SLC7A11: variants seen among roughly 807,000 people sequenced by gnomAD.
SLC7A11 encodes the protein cystine/glutamate transporter.
In SLC7A11, 35 loss-of-function variants were observed where a neutral mutation model predicts 54.5. The observed-to-expected ratio is 0.64, with a 90% CI of 0.49 to 0.85. The LOEUF (loss-of-function observed/expected upper bound fraction) is 0.85, where lower values mean the gene tolerates loss of function less well. Ranked by LOEUF, SLC7A11 falls within the 40% of genes least tolerant of loss-of-function variation. The pLI is 0.00. For synonymous variants in SLC7A11, 230 were observed against 225.2 expected, an observed-to-expected ratio of 1.02 and a Z score of -0.19; for missense variants, 583 against 618.1, an observed-to-expected ratio of 0.94 and a Z score of 0.60.
Position 138,165,725 on chromosome 4 carries a change from T to G in SLC7A11, c.*6231A>C, listed in dbSNP as rs1363745005. 1 of 152,168 alleles carries G rather than the reference T, an allele frequency of 6.6e-6. No homozygotes were observed. The highest frequency in any genetic ancestry group is 1.5e-5 in the Non-Finnish European group (1 of 68,012). The allele number at this position is 152,168 out of a possible 1,614,324, so 9.4% of individuals were successfully genotyped here. On this transcript the variant is annotated 3_prime_UTR_variant, in exon 12 of 12. Coordinates refer to ENST00000280612, the MANE Select transcript of SLC7A11 (RefSeq NM_014331.4). ...TAGGAATTGTCCTAAAAGAGTAAAG[T>G]GTTGTTTCCTTTCTGAACATGAATA...
At chr4:138,223,372 A>G in intron 3 of SLC7A11, 48 bp from the exon 4 acceptor site, 1 of 1,603,628 alleles carries the variant, frequency 6.2e-7, no homozygotes, top group Non-Finnish European at 8.5e-7. Flanking sequence ...TCACTGGCAC[A>G]AAGACATTTT....
intron 6 of SLC7A11, among the ~76,000 whole-genome samples, chr4:138,189,917 T>A (rs569838679): frequency 5.9e-5 from 9 of 152,278 alleles, no homozygotes; most frequent in Middle Eastern, 3.4e-3. Context: ...TCAGCCCACA[T>A]GAGTGGTCTG....
chr4:138,219,453 A>C, intron 4 of SLC7A11, 88 bp from the exon 5 acceptor site: 1 of 740,906 alleles, frequency 1.3e-6, no homozygotes, highest in Non-Finnish European at 2.4e-6. Flanking sequence ...GCGGAGAAAC[A>C]TACTGTTGTA....
Position 138,242,165 on chromosome 4 carries a change from GCTTTCAGA to G in SLC7A11, c.-104_-97del, listed in dbSNP as rs1738399306. 7.4e-7 allele frequency: 1 copy of G among 1,356,490 alleles called. No individual in the cohort carries two copies. Among genetic ancestry groups the G allele is most frequent in the Admixed American group, 2.1e-5 (1 of 46,876 alleles). The allele number at this position is 1,356,490 out of a possible 1,614,324, so 84.0% of individuals were successfully genotyped here. A position where few individuals can be genotyped will look rare whatever the true frequency, so the allele number is the denominator to read the frequency against. On this transcript the variant is annotated 5_prime_UTR_variant, in exon 1 of 12. Coordinates refer to ENST00000280612, the MANE Select transcript of SLC7A11 (RefSeq NM_014331.4). ...GTGTTACTGATCGATGTCTTCCTCT[GCTTTCAGA>G]CTGTCTCTCTCAGCGCTATAGTGTT...
Position 138,169,243 on chromosome 4 carries a change from T to C in SLC7A11, c.*2713A>G, listed in dbSNP as rs1268853662. The C allele has an allele frequency of 6.6e-6, 1 of 151,990 alleles. No individual in the cohort carries two copies. Among genetic ancestry groups the C allele is most frequent in the African/African-American group, 2.4e-5 (1 of 41,434 alleles). 9.4% of individuals were successfully genotyped at this position (151,990 alleles called of 1,614,324 possible). ...AATTTTACTTATATAAAAACATATA[T>C]ATAAATAAGTGTTCAGGAGAGTTTT... On this transcript the variant is annotated 3_prime_UTR_variant, in exon 12 of 12. Transcript: ENST00000280612.
chr4:138,192,369 C>T (rs1031420562), intron 6 of SLC7A11, among the ~76,000 whole-genome samples: 2 of 152,120 alleles, frequency 1.3e-5, no homozygotes, highest in Non-Finnish European at 2.9e-5. Flanking sequence ...TGCAAAGGAC[C>T]TATAGCATGA....
chr4:138,220,794 G>A (rs974181866), intron 4 of SLC7A11, among the ~76,000 whole-genome samples: 1 of 152,176 alleles, frequency 6.6e-6, no homozygotes, highest in South Asian at 2.1e-4. Context: ...TGATGTGTAT[G>A]AGACACTCTC....
At chr4:138,188,637 C>T (rs1736935867) in intron 6 of SLC7A11, among the ~76,000 whole-genome samples, 1 of 152,170 alleles carries the variant, frequency 6.6e-6, no homozygotes, top group South Asian at 2.1e-4. Flanking sequence ...CCTGAGCAAT[C>T]TTTCTGGAGG....
At position 138,223,240 on chromosome 4, in the gene SLC7A11, A is replaced by C; in HGVS notation, c.605T>G (p.Ile202Ser). ...AACTCCAGGGACTATAATTATCAGA[A>C]TTGCTGTGAGCTTGCAAAAGGTTAA... is the stretch of plus-strand genomic sequence containing the variant. ...IFLTFCKLTA[I>S]LIIIVPGVMQ... The change falls in exon 4 of 12, where the codon ATT (isoleucine) becomes AGT (serine). Residue 202 changes from isoleucine to serine, a missense_variant. By Grantham distance (142) the Ile-to-Ser change is moderately radical. Coordinates refer to ENST00000280612, the MANE Select transcript of SLC7A11 (RefSeq NM_014331.4). 1 of 1,613,690 alleles carries C rather than the reference A, an allele frequency of 6.2e-7. No individual in the cohort carries two copies. Among genetic ancestry groups the C allele is most frequent in the Non-Finnish European group, 8.5e-7 (1 of 1,179,588 alleles).
chr4:138,218,594 A>G lies in SLC7A11; in HGVS notation c.746+672T>C, dbSNP rs182415596. ...TACAAAGTTTTAATGCCTTAACTAG[A>G]AAGGTAGGTATCACAGGTGGACATA... is the stretch of plus-strand genomic sequence containing the variant. On this transcript the variant is annotated intron_variant, in intron 5 of 11. Transcript: ENST00000280612. Among the ~76,000 whole-genome samples the G allele has an allele frequency of 5.3e-5, 8 of 152,316 alleles. No individual in the cohort carries two copies. In the East Asian group the frequency reaches 1.5e-3, roughly 29 times the overall value.
intron 11 of SLC7A11, among the ~76,000 whole-genome samples, 166 bp downstream of exon 11, chr4:138,179,051 C>A (rs1197748887): frequency 6.6e-6 from 1 of 152,110 alleles, no homozygotes; most frequent in East Asian, 1.9e-4. Context: ...CGGCTGTACC[C>A]TAAATGTCCT....
chr4:138,192,933 A>G (rs1455062980), intron 6 of SLC7A11, among the ~76,000 whole-genome samples: 4 of 152,186 alleles, frequency 2.6e-5, no homozygotes, highest in Admixed American at 6.5e-5. Context: ...AACGTTAAGT[A>G]AATATACTCT....
chr4:138,203,470 T>C (rs1737336048), intron 6 of SLC7A11, among the ~76,000 whole-genome samples: 1 of 152,074 alleles, frequency 6.6e-6, no homozygotes, highest in Non-Finnish European at 1.5e-5. Flanking sequence ...GATAGCTCTA[T>C]ATTTTTGCAT....
At chr4:138,197,377 T>TG (rs1737164191) in intron 6 of SLC7A11, among the ~76,000 whole-genome samples, 1 of 152,064 alleles carries the variant, frequency 6.6e-6, no homozygotes. Flanking sequence ...TAATAGGATT[T>TG]GGGGGTAAAA....
intron 6 of SLC7A11, among the ~76,000 whole-genome samples, chr4:138,196,337 G>A (rs1737130937): frequency 6.6e-6 from 1 of 152,124 alleles, no homozygotes; most frequent in Non-Finnish European, 1.5e-5. Flanking sequence ...GCCATGGAAA[G>A]GATCAGGCCT....
intron 2 of SLC7A11, among the ~76,000 whole-genome samples, chr4:138,235,383 C>T (rs1578674777): frequency 6.7e-6 from 1 of 149,222 alleles, no homozygotes; most frequent in South Asian, 2.2e-4. Flanking sequence ...GAAGCATATA[C>T]TACTTTGAAG....
In SLC7A11 at chr4:138,167,141, C is replaced by CTTTTTTTTTTTTTTTTT. The variant is rs1035030161; in HGVS notation, c.*4798_*4814dup. 1.2e-5 allele frequency: 1 copy of CTTTTTTTTTTTTTTTTT among 85,714 alleles called. No individual in the cohort carries two copies. The highest frequency in any genetic ancestry group is 2.1e-5 in the Non-Finnish European group (1 of 47,000). The allele number at this position is 85,714 out of a possible 1,614,324, so 5.3% of individuals were successfully genotyped here. On this transcript the variant is annotated 3_prime_UTR_variant, in exon 12 of 12. Coordinates refer to ENST00000280612, the MANE Select transcript of SLC7A11 (RefSeq NM_014331.4). ...ATACCTTTAGCTATTATTTAAAAAT[C>CTTTTTTTTTTTTTTTTT]TTTTTTTTTTTTTTTTTTTTTTTTT...
intron 10 of SLC7A11, 65 bp downstream of exon 10, chr4:138,180,576 G>T: frequency 6.6e-7 from 1 of 1,515,488 alleles, no homozygotes; most frequent in South Asian, 1.3e-5. Flanking sequence ...AGCAAGTTAT[G>T]ACAAAGGGAG....
intron 6 of SLC7A11, among the ~76,000 whole-genome samples, chr4:138,199,194 A>ACACACATATATG (rs1737211382): frequency 6.6e-6 from 1 of 152,194 alleles, no homozygotes; most frequent in South Asian, 2.1e-4. Flanking sequence ...ACACGCACGC[A>ACACACATATATG]CAAACTGTGG....
Sources: allele counts gnomAD v4.1 joint callset (sites outside exome capture counted in the v4.1 genomes callset), GRCh38; gene constraint gnomAD v4.1.1; transcripts MANE v1.5; gene names NCBI Gene and HGNC (gene_info 2026-07-23, HGNC 2026-07-21).